FREM3: variants seen among roughly 807,000 people sequenced by gnomAD.
FREM3 encodes the protein FRAS1 related extracellular matrix 3, also known as FRAS1-related extracellular matrix protein 3.
A neutral mutation model predicts 129.1 loss-of-function variants in FREM3; 105 were observed. The ratio of observed to expected loss-of-function variants is 0.81; its 90% CI spans 0.69 to 0.96. The LOEUF is 0.96. FREM3 is among the 40% of genes least tolerant of loss of function. The probability of loss-of-function intolerance (pLI) is 0.00; values close to 1 mark genes in which losing one functional copy is unlikely to be tolerated. For missense variants in FREM3, 2,593 were observed against 2,666.3 expected (o/e 0.97, Z 0.61); for synonymous variants, 1,014 against 1,044.9 (o/e 0.97, Z 0.57).
chr4:143,657,951 C>T (rs1739631011), intron 2 of FREM3, among the ~76,000 whole-genome samples: 1 of 152,184 alleles, frequency 6.6e-6, no homozygotes, highest in Non-Finnish European at 1.5e-5. Flanking sequence ...ATAACTGTCA[C>T]TTCCAACTCC....
intron 7 of FREM3, among the ~76,000 whole-genome samples, chr4:143,580,629 T>G (rs1738113188): frequency 6.6e-6 from 1 of 152,068 alleles, no homozygotes; most frequent in South Asian, 2.1e-4. Flanking sequence ...ACTGCACAAC[T>G]TGCCTCCACT....
Position 143,700,372 on chromosome 4 carries a change from C to T in FREM3, c.304G>A (p.Ala102Thr), listed in dbSNP as rs1005723256. ...AGCGCGCCCTTGAGCCGCGGCAGGG[C>T]GTCCAGTACCGTGACTTCGCACCGG... ...GDRCEVTVLD[A>T]LPRLKGALSP... is the part of the protein sequence containing the mutation. Residue 102 changes from alanine (A) to threonine (T), a missense_variant, in exon 1 of 8, where the codon GCC (alanine) becomes ACC (threonine). Physicochemically the swap from Ala to Thr is moderately conservative, Grantham distance 58. Transcript: ENST00000329798. 1.1e-5 allele frequency: 17 copies of T among 1,534,556 alleles called. No homozygotes were observed. The highest frequency in any genetic ancestry group is 1.5e-5 in the Non-Finnish European group (17 of 1,145,886).
intron 2 of FREM3, among the ~76,000 whole-genome samples, chr4:143,674,063 G>A (rs943063473): frequency 1.3e-5 from 2 of 152,220 alleles, no homozygotes; most frequent in African/African-American, 4.8e-5. Flanking sequence ...GCCTCGCCCT[G>A]CTTTGGCTTA....
intron 6 of FREM3, chr4:143,601,686 C>A (rs1738574972): frequency 6.6e-6 from 1 of 152,140 alleles, no homozygotes; most frequent in South Asian, 2.1e-4. Flanking sequence ...ATTTATTAGG[C>A]AGATACTGTG....
In FREM3 at chr4:143,660,910, T is replaced by C. The variant is rs557412891; in HGVS notation, c.5275+32203A>G. On this transcript the variant is annotated intron_variant, in intron 2 of 7. Coordinates refer to ENST00000329798, the MANE Select transcript of FREM3 (RefSeq NM_001168235.2). The stretch of plus-strand genomic sequence containing the variant: ...TGTCTGTCATTGGTGTATAAGAATG[T>C]TTGTGATTTTTGTACATTGATTTTG... Among the ~76,000 whole-genome samples the C allele has an allele frequency of 3.6e-3, 543 of 152,166 alleles. 5 individuals carry two copies. Among genetic ancestry groups the C allele is most frequent in the African/African-American group, 0.013 (531 of 41,492 alleles).
chr4:143,700,021 G>C lies in FREM3; in HGVS notation c.655C>G (p.Pro219Ala). 7 of 1,508,820 alleles carry C rather than the reference G, an allele frequency of 4.6e-6. No individual in the cohort carries two copies. The South Asian group carries it at 8.8e-5, about 19-fold the overall frequency. 93.5% of individuals were successfully genotyped at this position (1,508,820 alleles called of 1,614,324 possible). ...RLTPLPHEDG[P>A]LPKYGRLVDA... is the part of the protein sequence containing the mutation. ...ACCAAGCGCCCGTACTTGGGCAGGG[G>C]GCCGTCCTCGTGAGGAAGTGGGGTA... Residue 219 changes from proline (P) to alanine (A), a missense_variant, in exon 1 of 8, where the codon CCC (proline) becomes GCC (alanine). Coordinates refer to ENST00000329798, the MANE Select transcript of FREM3 (RefSeq NM_001168235.2).
chr4:143,611,926 C>T (rs1303464239), intron 5 of FREM3, among the ~76,000 whole-genome samples: 1 of 152,164 alleles, frequency 6.6e-6, no homozygotes, highest in Non-Finnish European at 1.5e-5. Context: ...GCTCTACCCA[C>T]AGTGGCATAG....
At chr4:143,624,675 G>T (rs1186453893) in intron 3 of FREM3, among the ~76,000 whole-genome samples, 1 of 152,164 alleles carries the variant, frequency 6.6e-6, no homozygotes, top group African/African-American at 2.4e-5. Flanking sequence ...ATAAGAAATT[G>T]TCCCAGCCCC....
At chr4:143,591,873 C>G (rs1011024242) in intron 6 of FREM3, among the ~76,000 whole-genome samples, 3 of 152,178 alleles carry the variant, frequency 2.0e-5, no homozygotes, top group Admixed American at 6.5e-5. Context: ...GTGTGGGAGT[C>G]TAAGTCTCTT....
chr4:143,682,165 A>ATCC (rs1740263845), intron 2 of FREM3, among the ~76,000 whole-genome samples: 1 of 152,174 alleles, frequency 6.6e-6, no homozygotes, highest in South Asian at 2.1e-4. Flanking sequence ...TAGTGAGGCA[A>ATCC]GAGAATAGGG....
intron 2 of FREM3, among the ~76,000 whole-genome samples, chr4:143,692,905 T>G (rs947362361): frequency 5.3e-5 from 8 of 152,160 alleles, no homozygotes; most frequent in Admixed American, 1.3e-4. Context: ...TTGCTTTTTC[T>G]TCCTAAAAAG....
At chr4:143,693,869 G>A (rs191645725) in intron 1 of FREM3, among the ~76,000 whole-genome samples, 2 of 152,052 alleles carry the variant, frequency 1.3e-5, no homozygotes, top group Admixed American at 6.6e-5. Flanking sequence ...ACTAATTCAC[G>A]AACAGGAAAC....
At chr4:143,672,138 T>C (rs1740008895) in intron 2 of FREM3, among the ~76,000 whole-genome samples, 1 of 152,206 alleles carries the variant, frequency 6.6e-6, no homozygotes, top group African/African-American at 2.4e-5. Context: ...ACTGTAACTA[T>C]AGACTTGATT....
chr4:143,670,395 C>T (rs1364713756), intron 2 of FREM3, among the ~76,000 whole-genome samples: 3 of 152,050 alleles, frequency 2.0e-5, no homozygotes, highest in Non-Finnish European at 4.4e-5. Context: ...TATTAATATA[C>T]ACATATGTAT....
chr4:143,659,254 A>C (rs1392739298), intron 2 of FREM3, among the ~76,000 whole-genome samples: 4 of 147,684 alleles, frequency 2.7e-5, no homozygotes, highest in African/African-American at 1.0e-4. Flanking sequence ...TACCCCCACC[A>C]ACAACAGTCC....
intron 1 of FREM3, 131 bp downstream of exon 1, chr4:143,695,359 CG>C: frequency 1.3e-6 from 1 of 747,816 alleles, no homozygotes. Context: ...AATAGTTTCA[CG>C]CTTCACTGTA....
intron 2 of FREM3, among the ~76,000 whole-genome samples, chr4:143,690,114 G>C (rs1400110259): frequency 1.3e-5 from 2 of 151,726 alleles, no homozygotes; most frequent in African/African-American, 4.8e-5. Context: ...GCTGTAAGAT[G>C]ACAGATTTGC....
rs112095436 is a variant in FREM3, at chr4:143,633,130, G to T, written c.5276-5370C>A. 8.9e-4 allele frequency among the ~76,000 whole-genome samples: 136 copies of T among 152,240 alleles called. 1 individual carries two copies. Among genetic ancestry groups the T allele is most frequent in the African/African-American group, 3.1e-3 (129 of 41,558 alleles). ...CACTTGGTTTTCATGGGCATTGGTA[G>T]CAGAGATCTAGTGTCCAGTGACAAC... is the stretch of plus-strand genomic sequence containing the variant. On this transcript the variant is annotated intron_variant, in intron 2 of 7. Transcript: ENST00000329798.
intron 2 of FREM3, among the ~76,000 whole-genome samples, chr4:143,653,613 A>C (rs1739548611): frequency 6.6e-6 from 1 of 152,228 alleles, no homozygotes; most frequent in Non-Finnish European, 1.5e-5. Flanking sequence ...GTTGATTAGA[A>C]GCAAGTCACA....
Sources: gnomAD v4.1 joint callset for allele counts (sites outside exome capture counted in the v4.1 genomes callset) on GRCh38, gnomAD v4.1.1 for gene constraint, MANE v1.5 for transcripts, NCBI Gene and HGNC (gene_info 2026-07-23, HGNC 2026-07-21) for gene names.